Variants in CWC27 observed in about 807,000 individuals in gnomAD.
CWC27 encodes the protein spliceosome-associated protein CWC27 homolog.
CWC27 carries 47 observed loss-of-function variants against 63.6 expected under a neutral mutation model. That is an observed-to-expected ratio of 0.74 (90% confidence interval 0.58 to 0.94). CWC27 has a LOEUF of 0.94. Among genes scored for constraint, CWC27 ranks in the 40% least tolerant of loss-of-function variants. The pLI is 0.00. For missense variants in CWC27, 495 were observed against 554.3 expected (o/e 0.89, Z 1.07); for synonymous variants, 175 against 179.8 (o/e 0.97, Z 0.22).
intron 13 of CWC27, among the ~76,000 whole-genome samples, chr5:65,014,861 T>C (rs548116157): frequency 5.3e-5 from 8 of 152,366 alleles, no homozygotes; most frequent in Admixed American, 4.6e-4. Flanking sequence ...ATTTTGATTA[T>C]GCTTGTATTT....
intron 11 of CWC27, among the ~76,000 whole-genome samples, chr5:64,901,783 C>CA (rs1370414326): frequency 6.6e-6 from 1 of 152,116 alleles, no homozygotes; most frequent in African/African-American, 2.4e-5. Flanking sequence ...TACAACTGTA[C>CA]AAAAATATTC....
At chr5:65,016,165 C>T (rs570274982) in intron 13 of CWC27, among the ~76,000 whole-genome samples, 25 of 152,084 alleles carry the variant, frequency 1.6e-4, no homozygotes, top group Non-Finnish European at 2.8e-4. Flanking sequence ...AATACCTAAA[C>T]GCTGTAGGAA....
intron 2 of CWC27, 53 bp from the exon 3 acceptor site, chr5:64,781,868 T>C: frequency 1.1e-6 from 1 of 948,840 alleles, no homozygotes; most frequent in Non-Finnish European, 1.6e-6. Flanking sequence ...TTTTGGTAAC[T>C]GTAGAGATGA....
At chr5:64,815,487 G>T (rs1032646628) in intron 10 of CWC27, among the ~76,000 whole-genome samples, 3 of 152,136 alleles carry the variant, frequency 2.0e-5, no homozygotes, top group Non-Finnish European at 4.4e-5. Context: ...GATGTCAATA[G>T]GATGAAGTAT....
At chr5:64,771,347 C>T (rs1743248094) in intron 1 of CWC27, among the ~76,000 whole-genome samples, 4 of 152,138 alleles carry the variant, frequency 2.6e-5, no homozygotes, top group Admixed American at 2.0e-4. Context: ...GTAAATGGGA[C>T]AAAATTCCTC....
intron 11 of CWC27, among the ~76,000 whole-genome samples, chr5:64,938,084 G>C (rs1748397586): frequency 2.0e-5 from 3 of 151,850 alleles, no homozygotes; most frequent in African/African-American, 7.3e-5. Flanking sequence ...TCTTTTAATT[G>C]GGGCATTTAG....
chr5:64,892,352 T>C (rs1344951561), intron 11 of CWC27, among the ~76,000 whole-genome samples: 1 of 151,968 alleles, frequency 6.6e-6, no homozygotes, highest in Non-Finnish European at 1.5e-5. Flanking sequence ...GGGTCATTAC[T>C]GTCTCTTTAT....
intron 11 of CWC27, among the ~76,000 whole-genome samples, chr5:64,921,512 C>T (rs1222822323): frequency 6.6e-6 from 1 of 152,054 alleles, no homozygotes; most frequent in Non-Finnish European, 1.5e-5. Context: ...TTCCATTTGC[C>T]TGGTAGATCC....
At chr5:64,789,182 T>A (rs1006314409) in intron 7 of CWC27, among the ~76,000 whole-genome samples, 162 bp downstream of exon 7, 1 of 152,072 alleles carries the variant, frequency 6.6e-6, no homozygotes, top group African/African-American at 2.4e-5. Flanking sequence ...TCAGTAATAT[T>A]TGCAACTTTT....
chr5:64,979,596 T>C (rs985437962), intron 13 of CWC27, among the ~76,000 whole-genome samples: 5 of 152,240 alleles, frequency 3.3e-5, no homozygotes, highest in African/African-American at 1.2e-4. Context: ...GAATGATTTA[T>C]AACAAATATT....
intron 11 of CWC27, among the ~76,000 whole-genome samples, chr5:64,892,599 T>G (rs7700251): frequency 0.39 from 59,928 of 151,892 alleles, 12,857 homozygotes; most frequent in African/African-American, 0.56. Flanking sequence ...TTTATAATAT[T>G]CCTTTTTAAA....
intron 10 of CWC27, among the ~76,000 whole-genome samples, chr5:64,818,954 T>C (rs1319868349): frequency 4.6e-5 from 7 of 152,368 alleles, no homozygotes; most frequent in Admixed American, 4.6e-4. Flanking sequence ...TACCTTTTAG[T>C]AGCTATTTAA....
At chr5:64,965,595 A>T (rs1580753356) in intron 11 of CWC27, among the ~76,000 whole-genome samples, 1 of 152,214 alleles carries the variant, frequency 6.6e-6, no homozygotes, top group South Asian at 2.1e-4. Flanking sequence ...TACCTTACTT[A>T]TTTGATCTGG....
Position 64,885,553 on chromosome 5 carries a change from G to A in CWC27, c.1042+7G>A, listed in dbSNP as rs73105301. On this transcript the variant is annotated splice_region_variant and intron_variant, in intron 11 of 13. Coordinates refer to ENST00000381070, the MANE Select transcript of CWC27 (RefSeq NM_005869.4). The stretch of plus-strand genomic sequence containing the variant: ...GCAGAAAAAAGAAGTGAAGGTAAGG[G>A]CATTTATCACGCTTATTTTTTCACT... 3,330 of 1,583,036 alleles carry A rather than the reference G, an allele frequency of 2.1e-3. 50 individuals are homozygous for A. In the African/African-American group the frequency reaches 0.038, roughly 18 times the overall value.
intron 13 of CWC27, among the ~76,000 whole-genome samples, chr5:65,010,419 C>T (rs1225779459): frequency 6.6e-6 from 1 of 152,114 alleles, no homozygotes; most frequent in African/African-American, 2.4e-5. Flanking sequence ...TCCTTTCAAC[C>T]CTACCCCTAA....
chr5:64,784,180 T>A (rs1743801183), intron 4 of CWC27, among the ~76,000 whole-genome samples: 1 of 152,202 alleles, frequency 6.6e-6, no homozygotes, highest in African/African-American at 2.4e-5. Context: ...TCTTTTTGGA[T>A]CTTTCAATTC....
At chr5:64,993,533 G>A (rs776698575) in intron 13 of CWC27, among the ~76,000 whole-genome samples, 8 of 152,106 alleles carry the variant, frequency 5.3e-5, no homozygotes, top group Middle Eastern at 3.4e-3. Flanking sequence ...TACAAAATGC[G>A]GAGGCTGGCA....
At chr5:64,930,875 C>G (rs1389915884) in intron 11 of CWC27, among the ~76,000 whole-genome samples, 1 of 152,042 alleles carries the variant, frequency 6.6e-6, no homozygotes, top group East Asian at 1.9e-4. Flanking sequence ...TAACCTGACT[C>G]TAATCATGAG....
chr5:64,848,520 C>G (rs1209472271), intron 10 of CWC27, among the ~76,000 whole-genome samples: 8 of 152,110 alleles, frequency 5.3e-5, no homozygotes, highest in Admixed American at 4.6e-4. Context: ...CAAAGCCAGA[C>G]AGTGATGTTA....
Sources: gnomAD v4.1 joint callset for allele counts (sites outside exome capture counted in the v4.1 genomes callset) on GRCh38, gnomAD v4.1.1 for gene constraint, MANE v1.5 for transcripts, NCBI Gene and HGNC (gene_info 2026-07-23, HGNC 2026-07-21) for gene names.